The following KCNT1 variants were observed in gnomAD, a reference collection of about 807,000 sequenced individuals.
The protein encoded by KCNT1 is potassium sodium-activated channel subfamily T member 1, also known as potassium channel subfamily T member 1.
Under a neutral mutation model 147.8 loss-of-function variants are expected in KCNT1, and 78 were observed. The observed-to-expected ratio is 0.53, with a 90% CI of 0.44 to 0.64. The LOEUF (loss-of-function observed/expected upper bound fraction) is 0.64, where lower values mean the gene tolerates loss of function less well. KCNT1 is among the 30% of genes least tolerant of loss of function. KCNT1 has a pLI of 0.00. For synonymous variants in KCNT1, 867 were observed against 748.8 expected (o/e 1.16, Z -2.58); for missense variants, 1,419 against 1,750.3 (o/e 0.81, Z 3.38).
At chr9:135,773,883 C>A (rs577606229) in intron 19 of KCNT1, among the ~76,000 whole-genome samples, 1 of 152,324 alleles carries the variant, frequency 6.6e-6, no homozygotes, top group Non-Finnish European at 1.5e-5. Flanking sequence ...GCCTGCCCCA[C>A]CAGCCGGGGG....
chr9:135,729,387 C>T (rs915355849), intron 2 of KCNT1, among the ~76,000 whole-genome samples: 3 of 152,262 alleles, frequency 2.0e-5, no homozygotes, highest in African/African-American at 7.2e-5. Flanking sequence ...CTCTGTCCCA[C>T]TGTGCAGGAG....
chr9:135,759,509 C>T (rs1207794296), intron 10 of KCNT1, among the ~76,000 whole-genome samples, 170 bp from the exon 11 acceptor site: 1 of 152,190 alleles, frequency 6.6e-6, no homozygotes, highest in Non-Finnish European at 1.5e-5. Context: ...GACAGATGGG[C>T]AGGGCTGAGG....
intron 9 of KCNT1, 135 bp downstream of exon 9, chr9:135,757,516 C>A (rs1831579148): frequency 4.1e-6 from 3 of 739,172 alleles, no homozygotes; most frequent in African/African-American, 1.7e-5. Flanking sequence ...GAAGCCAGGG[C>A]AGCAGAAACT....
chr9:135,761,686 G>A (rs958981650), intron 11 of KCNT1, among the ~76,000 whole-genome samples: 1 of 152,218 alleles, frequency 6.6e-6, no homozygotes, highest in Non-Finnish European at 1.5e-5. Flanking sequence ...ACCTGCTGAG[G>A]CCGCTGCACC....
Position 135,791,944 on chromosome 9 carries a change from T to C in KCNT1, c.3587+63T>C, listed in dbSNP as rs41306389. ...GAGCACCAGGTGGGCACTGGGGAGATGAGGCCACAGGCACCACAGTGGGGC... is the reference window on the plus strand; with the variant it reads ...GAGCACCAGGTGGGCACTGGGGAGACGAGGCCACAGGCACCACAGTGGGGC... On this transcript the variant is annotated intron_variant, in intron 30 of 30. Coordinates refer to ENST00000371757, the MANE Select transcript of KCNT1 (RefSeq NM_020822.3). 292,836 of 1,610,522 alleles carry C rather than the reference T, an allele frequency of 0.18. 28,959 individuals carry two copies. Among genetic ancestry groups the C allele is most frequent in the South Asian group, 0.23 (21,298 of 90,944 alleles).
chr9:135,765,634 T>C lies in KCNT1; in HGVS notation c.1211T>C (p.Val404Ala). 3.1e-6 allele frequency: 5 copies of C among 1,610,228 alleles called. No individual in the cohort carries two copies. Among genetic ancestry groups the C allele is most frequent in the Non-Finnish European group, 4.2e-6 (5 of 1,178,518 alleles). ...CCGCCTGGCCGGCAGGACTATTACG[T>C]GGTCATCCTGTGCCCCACGGAGATG... ...YAHPRLQDYY[V>A]VILCPTEMDV... The change falls in exon 13 of 31, where the codon GTG becomes GCG. Residue 404 changes from valine to alanine, a missense_variant. Coordinates refer to ENST00000371757, the MANE Select transcript of KCNT1 (RefSeq NM_020822.3).
chr9:135,773,689 C>T (rs772720474), intron 19 of KCNT1, among the ~76,000 whole-genome samples: 5 of 152,276 alleles, frequency 3.3e-5, no homozygotes, highest in Non-Finnish European at 5.9e-5. Context: ...GCGGGGCTGC[C>T]TCACTCTGTC....
At chr9:135,722,937 G>A (rs567884096) in intron 2 of KCNT1, among the ~76,000 whole-genome samples, 2 of 152,228 alleles carry the variant, frequency 1.3e-5, no homozygotes, top group Non-Finnish European at 2.9e-5. Flanking sequence ...AGAAGGGGAC[G>A]CTGCAAAAGA....
chr9:135,740,064 C>T (rs899421970), intron 2 of KCNT1, among the ~76,000 whole-genome samples: 3 of 152,132 alleles, frequency 2.0e-5, no homozygotes, highest in African/African-American at 4.8e-5. Flanking sequence ...CTGGCCGTCC[C>T]GCTATGTGTG....
chr9:135,786,485 C>T lies in KCNT1; in HGVS notation c.3466C>T (p.Arg1156Cys), dbSNP rs1225832562. Reference sequence around the variant, plus strand: ...GGAGCTCTCCGAGCTGGTGAAGAACCGCATGAAGCACCTGGGGCTGCCCAC... The same window carrying T: ...GGAGCTCTCCGAGCTGGTGAAGAACTGCATGAAGCACCTGGGGCTGCCCAC... Reference protein sequence around the residue: ...RQELSELVKNRMKHLGLPTTG... With the variant: ...RQELSELVKNCMKHLGLPTTG... The change falls in exon 29 of 31, where the codon CGC (arginine) becomes TGC (cysteine). Residue 1156 changes from arginine (R) to cysteine (C), a missense_variant. By Grantham distance (180) the Arg-to-Cys change is radical. This residue lies in a region of KCNT1 where 306 missense variants were observed against 294.2 expected (regional missense o/e 1.04). Transcript: ENST00000371757. 12 of 1,602,728 alleles carry T rather than the reference C, an allele frequency of 7.5e-6. No homozygotes were observed. The highest frequency in any genetic ancestry group is 1.3e-5 in the African/African-American group (1 of 74,194).
chr9:135,750,866 CCAGACCCGGGTG>C, intron 3 of KCNT1, 64 bp from the exon 4 acceptor site: 1 of 1,375,584 alleles, frequency 7.3e-7, no homozygotes, highest in Non-Finnish European at 1.0e-6. Context: ...GAGAGCCCAG[CCAGACCCGGGTG>C]CAGGCCCTGC....
intron 1 of KCNT1, among the ~76,000 whole-genome samples, chr9:135,713,676 G>A (rs552444763): frequency 2.6e-5 from 4 of 152,308 alleles, no homozygotes; most frequent in East Asian, 3.9e-4. Flanking sequence ...TCTCCTGCTG[G>A]CCTCGAAGCC....
rs1588361441 is a variant in KCNT1 at position 135,770,742 on chromosome 9, A to G, written c.1770-115A>G. On this transcript the variant is annotated intron_variant, in intron 17 of 30. Transcript: ENST00000371757. Reference sequence around the variant, plus strand: ...AGGTCCCTGACCCCAAATGGCCCCCAGGAGGAAGACGCGGAGCTCCGGTGG... The same window carrying G: ...AGGTCCCTGACCCCAAATGGCCCCCGGGAGGAAGACGCGGAGCTCCGGTGG... 3 of 1,064,466 alleles carry G rather than the reference A, an allele frequency of 2.8e-6. No homozygotes were observed. In the East Asian group the frequency reaches 7.8e-5, roughly 28 times the overall value. The allele number at this position is 1,064,466 out of a possible 1,614,324, so 65.9% of individuals were successfully genotyped here.
intron 11 of KCNT1, among the ~76,000 whole-genome samples, chr9:135,762,932 AG>A (rs1832010746): frequency 6.6e-6 from 1 of 152,236 alleles, no homozygotes; most frequent in South Asian, 2.1e-4. Flanking sequence ...CTGCACGCAG[AG>A]GTGTCACTGT....
chr9:135,724,091 C>A (rs1191053331), intron 2 of KCNT1, among the ~76,000 whole-genome samples: 7 of 152,214 alleles, frequency 4.6e-5, no homozygotes, highest in African/African-American at 1.7e-4. Context: ...CCATCATGGG[C>A]CCCTGAATAA....
At chr9:135,768,444 C>T (rs888585416) in intron 13 of KCNT1, 166 bp from the exon 14 acceptor site, 3 of 594,218 alleles carry the variant, frequency 5.0e-6, no homozygotes, top group African/African-American at 3.7e-5. Flanking sequence ...TCCTCCCCGC[C>T]TTCCATCCTC....
intron 2 of KCNT1, among the ~76,000 whole-genome samples, chr9:135,747,556 T>C (rs1830900167): frequency 6.6e-6 from 1 of 152,038 alleles, no homozygotes; most frequent in African/African-American, 2.4e-5. Flanking sequence ...AAGACATCCA[T>C]TCAGAGAGAA....
chr9:135,788,179 G>A (rs376225605), intron 29 of KCNT1: 32 of 1,608,272 alleles, frequency 2.0e-5, no homozygotes, highest in African/African-American at 2.7e-5. Flanking sequence ...CTGCCCTGGC[G>A]GGTGCCGACC....
At chr9:135,777,972 T>C (rs574030517) in intron 21 of KCNT1, among the ~76,000 whole-genome samples, 1 of 150,768 alleles carries the variant, frequency 6.6e-6, no homozygotes, top group Non-Finnish European at 1.5e-5. Context: ...TTCCTCTGTC[T>C]CCCAGCTCCT....
Sources: gnomAD v4.1 joint callset for allele counts (sites outside exome capture counted in the v4.1 genomes callset) on GRCh38, gnomAD v4.1.1 for gene constraint, gnomAD v4.1.1 regional missense constraint, MANE v1.5 for transcripts, NCBI Gene and HGNC (gene_info 2026-07-23, HGNC 2026-07-21) for gene names.